The following HNRNPR variants were observed in gnomAD, a reference collection of about 807,000 sequenced individuals.
The protein encoded by HNRNPR is heterogeneous nuclear ribonucleoprotein R.
A neutral mutation model predicts 70.3 loss-of-function variants in HNRNPR; 4 were observed. That is an observed-to-expected ratio of 0.06 (90% CI 0.03 to 0.13). The LOEUF (loss-of-function observed/expected upper bound fraction) is 0.13, where lower values mean the gene tolerates loss of function less well. HNRNPR is among the 10% of genes least tolerant of loss of function. HNRNPR has a pLI of 1.00. For missense variants in HNRNPR, 423 were observed against 788.5 expected, an observed-to-expected ratio of 0.54 and a Z score of 5.55; for synonymous variants, 241 against 267.6, an observed-to-expected ratio of 0.90 and a Z score of 0.97.
At chr1:23,324,900 G>A (rs1157244129) in intron 5 of HNRNPR, among the ~76,000 whole-genome samples, 2 of 152,072 alleles carry the variant, frequency 1.3e-5, no homozygotes, top group African/African-American at 2.4e-5. Context: ...CAGCACTTTG[G>A]GAGGCTGAGG....
intron 2 of HNRNPR, among the ~76,000 whole-genome samples, chr1:23,339,376 T>C (rs1054496817): frequency 2.0e-5 from 3 of 152,242 alleles, no homozygotes; most frequent in Non-Finnish European, 4.4e-5. Context: ...ATAAAGACTT[T>C]ATGGTCTTAC....
intron 5 of HNRNPR, among the ~76,000 whole-genome samples, chr1:23,332,544 C>A (rs1440330957): frequency 6.7e-6 from 1 of 149,498 alleles, no homozygotes; most frequent in Non-Finnish European, 1.5e-5. Flanking sequence ...TTAGTAAATA[C>A]AAAAAATTAG....
intron 5 of HNRNPR, 62 bp downstream of exon 5, chr1:23,333,456 C>A: frequency 1.0e-6 from 1 of 970,338 alleles, no homozygotes; most frequent in South Asian, 1.3e-5. Flanking sequence ...ACAGTATCTG[C>A]ATAGTAGATA....
In HNRNPR at chr1:23,323,634, A is replaced by C. The variant is rs1331788057; in HGVS notation, c.597T>G (p.Asp199Glu). 6.2e-7 allele frequency: 1 copy of C among 1,614,004 alleles called. No homozygotes were observed. Among genetic ancestry groups the C allele is most frequent in the Non-Finnish European group, 8.5e-7 (1 of 1,179,992 alleles). ...ACCCTCTATTCTGACCGGACAGTGG[A>C]TCCATCATAAGACGTAGATCCCAAA... ...GPIWDLRLMM[D>E]PLSGQNRGYA... Residue 199 changes from aspartate (D) to glutamate (E), a missense_variant, in exon 6 of 11, where the codon GAT becomes GAG. Around this residue, in one of 7 missense-constraint regions of HNRNPR, gnomAD observed 118 missense variants for 239.3 expected, o/e 0.49. Coordinates refer to ENST00000302271, the MANE Select transcript of HNRNPR (RefSeq NM_005826.5).
Position 23,313,644 on chromosome 1 carries a change from T to C in HNRNPR, c.1076A>G (p.Lys359Arg), listed in dbSNP as rs764063789. 1 of 1,606,098 alleles carries C rather than the reference T, an allele frequency of 6.2e-7. No homozygotes were observed. Among genetic ancestry groups the C allele is most frequent in the Non-Finnish European group, 8.5e-7 (1 of 1,177,758 alleles). ...GAGTTTTCCAAATTCAGAAAATGAC[T>C]TTTCCAATATTTCTTCTGTCACCGT... ...ATTVTEEILE[K>R]SFSEFGKLER... The change falls in exon 9 of 11, where the codon AAG becomes AGG. Residue 359 changes from lysine (K) to arginine (R), a missense_variant. Lys to Arg is a conservative substitution (Grantham distance 26). Transcript: ENST00000302271.
chr1:23,337,747 G>C lies in HNRNPR; in HGVS notation c.384+7C>G. The C allele has an allele frequency of 6.4e-7, 1 of 1,572,680 alleles. No homozygotes were observed. Among genetic ancestry groups the C allele is most frequent in the Non-Finnish European group, 8.7e-7 (1 of 1,147,294 alleles). On this transcript the variant is annotated splice_region_variant and intron_variant, in intron 4 of 10. Coordinates refer to ENST00000302271, the MANE Select transcript of HNRNPR (RefSeq NM_005826.5). ...ATTTCATTACAACTACCCAAGTCAA[G>C]TTTTACCTTGATCTTCGCTTCATCA...
chr1:23,318,770 G>A lies in HNRNPR; in HGVS notation c.812-82C>T, dbSNP rs1645645068. 7.5e-6 allele frequency: 10 copies of A among 1,330,592 alleles called. No individual in the cohort carries two copies. Among genetic ancestry groups the A allele is most frequent in the Middle Eastern group, 1.8e-4 (1 of 5,464 alleles). 82.4% of individuals were successfully genotyped at this position (1,330,592 alleles called of 1,614,324 possible). ...TTAGGCAGACCTAAATCCACTTGAC[G>A]ATGAGCAAAATATAAGTGAAGCAGC... On this transcript the variant is annotated intron_variant, in intron 7 of 10. Transcript: ENST00000302271. The surrounding 1 kb of genome is among the most constrained non-coding windows in gnomAD (Gnocchi z 4.2).
intron 5 of HNRNPR, among the ~76,000 whole-genome samples, chr1:23,332,726 CA>C (rs556898057): frequency 4.3e-5 from 6 of 139,016 alleles, no homozygotes; most frequent in Admixed American, 1.4e-4. Context: ...AAAACCAAAC[CA>C]AAAAAAAAAC....
intron 7 of HNRNPR, among the ~76,000 whole-genome samples, chr1:23,320,402 G>A (rs1645709953): frequency 6.6e-6 from 1 of 152,180 alleles, no homozygotes; most frequent in Non-Finnish European, 1.5e-5. Flanking sequence ...TGGAGCTGAA[G>A]TAAAGGACTA....
chr1:23,316,074 G>A (rs1422572003), intron 8 of HNRNPR, among the ~76,000 whole-genome samples: 1 of 151,878 alleles, frequency 6.6e-6, no homozygotes, highest in Non-Finnish European at 1.5e-5. Flanking sequence ...GACCCAACTT[G>A]GCAAAAAAAA....
chr1:23,323,765 T>C (rs1645848000), intron 5 of HNRNPR, 33 bp from the exon 6 acceptor site: 1 of 1,580,542 alleles, frequency 6.3e-7, no homozygotes, highest in African/African-American at 1.4e-5. Context: ...GAATCCAACA[T>C]AAGCATTTGA....
At position 23,344,217 on chromosome 1, in the gene HNRNPR, A is replaced by T. The variant is rs981129365; in HGVS notation, c.-16T>A. On this transcript the variant is annotated 5_prime_UTR_variant, in exon 1 of 11. Coordinates refer to ENST00000302271, the MANE Select transcript of HNRNPR (RefSeq NM_005826.5). The stretch of plus-strand genomic sequence containing the variant: ...GGGCCGGCGCGAGACTCACCAGGGC[A>T]GAGCGGGGGCCGGCAGCCGGGCCCG... 4.6e-5 allele frequency: 7 copies of T among 150,636 alleles called. No homozygotes were observed. Among genetic ancestry groups the T allele is most frequent in the African/African-American group, 1.5e-4 (6 of 40,980 alleles). 9.3% of individuals were successfully genotyped at this position (150,636 alleles called of 1,614,324 possible).
chr1:23,335,082 T>A lies in HNRNPR; in HGVS notation c.385-1451A>T, dbSNP rs186646827. On this transcript the variant is annotated intron_variant, in intron 4 of 10. Transcript: ENST00000302271. ...ACAGGCGCCTGCCACCACACCCGGC[T>A]AATTTTTTGTATTTTTAGTAGACAG... Among the ~76,000 whole-genome samples, 149 of 152,250 alleles carry A rather than the reference T, an allele frequency of 9.8e-4. 1 individual carries two copies. The highest frequency in any genetic ancestry group is 3.5e-3 in the African/African-American group (146 of 41,548).
At position 23,343,741 on chromosome 1, in the gene HNRNPR, G is replaced by C. The variant is rs1282407100; in HGVS notation, c.-10+470C>G. Among the ~76,000 whole-genome samples the C allele has an allele frequency of 3.3e-5, 5 of 152,180 alleles. No homozygotes were observed. The East Asian group carries it at 9.6e-4, about 29-fold the overall frequency. ...TTTTCTCCCGGCTCAGATAACCCTG[G>C]GATCTGCACCCCGCCTTCCGCCCCC... On this transcript the variant is annotated intron_variant, in intron 1 of 10. Coordinates refer to ENST00000302271, the MANE Select transcript of HNRNPR (RefSeq NM_005826.5).
In HNRNPR at chr1:23,336,278, A is replaced by G. The variant is rs149497936; in HGVS notation, c.384+1476T>C. Among the ~76,000 whole-genome samples the G allele has an allele frequency of 1.2e-4, 18 of 148,388 alleles. No individual in the cohort carries two copies. In the East Asian group the frequency reaches 3.7e-3, roughly 31 times the overall value. On this transcript the variant is annotated intron_variant, in intron 4 of 10. Coordinates refer to ENST00000302271, the MANE Select transcript of HNRNPR (RefSeq NM_005826.5). Reference sequence around the variant, plus strand: ...CCGACTCTACCAAAAAACAAAAAAAATTAGCAGCCAGGCACGGTGGCTCAC... The same window carrying G: ...CCGACTCTACCAAAAAACAAAAAAAGTTAGCAGCCAGGCACGGTGGCTCAC...
At chr1:23,324,665 A>C (rs1472794961) in intron 5 of HNRNPR, among the ~76,000 whole-genome samples, 3 of 152,170 alleles carry the variant, frequency 2.0e-5, no homozygotes, top group Non-Finnish European at 4.4e-5. Flanking sequence ...TTAAATATTA[A>C]ATTTTAAGGT....
intron 5 of HNRNPR, 133 bp downstream of exon 5, chr1:23,333,385 G>T: frequency 1.7e-6 from 1 of 575,316 alleles, no homozygotes; most frequent in East Asian, 2.8e-5. Flanking sequence ...AATACAAATG[G>T]ATATCTAAAA....
In HNRNPR at chr1:23,308,034, A is replaced by C. The variant is rs529096833; in HGVS notation, c.*2420T>G. The C allele has an allele frequency of 3.8e-4, 58 of 152,178 alleles. No individual in the cohort carries two copies. Among genetic ancestry groups the C allele is most frequent in the Non-Finnish European group, 6.0e-4 (41 of 67,914 alleles). The allele number at this position is 152,178 out of a possible 1,614,324, so 9.4% of individuals were successfully genotyped here. A position where few individuals can be genotyped will look rare whatever the true frequency, so the allele number is the denominator to read the frequency against. On this transcript the variant is annotated 3_prime_UTR_variant, in exon 11 of 11. Coordinates refer to ENST00000302271, the MANE Select transcript of HNRNPR (RefSeq NM_005826.5). ...TTGAGCTCTGAATCTATTTTCTCTG[A>C]ATGCTGCTACAGTGTTAATTTACAA...
Position 23,324,060 on chromosome 1 carries a change from C to A in HNRNPR, c.499-328G>T, listed in dbSNP as rs78935685. Among the ~76,000 whole-genome samples the A allele has an allele frequency of 3.0e-4, 45 of 152,062 alleles. No homozygotes were observed. In the East Asian group the frequency reaches 7.9e-3, roughly 27 times the overall value. ...GGACGCAGCAGCTCACGCCTGTAAT[C>A]CTAGCACTTTGAGAGGCCAAGGAAG... On this transcript the variant is annotated intron_variant, in intron 5 of 10. Transcript: ENST00000302271.
Sources: allele counts gnomAD v4.1 joint callset (sites outside exome capture counted in the v4.1 genomes callset), GRCh38; gene constraint gnomAD v4.1.1; regional missense constraint gnomAD v4.1.1; non-coding constraint Gnocchi (gnomAD v3.1); transcripts MANE v1.5; gene names NCBI Gene and HGNC (gene_info 2026-07-23, HGNC 2026-07-21).